Variants in ANKS1B observed in about 807,000 individuals in gnomAD.
ANKS1B encodes the protein ankyrin repeat and sterile alpha motif domain containing 1B, also known as ankyrin repeat and sterile alpha motif domain-containing protein 1B.
ANKS1B carries 36 observed loss-of-function variants against 148.3 expected under a neutral mutation model. The observed-to-expected ratio is 0.24, with a 90% CI of 0.19 to 0.32. The LOEUF is 0.32. ANKS1B is among the 10% of genes least tolerant of loss of function. ANKS1B has a pLI of 1.00. For missense variants in ANKS1B, 1,157 were observed against 1,542.6 expected, an observed-to-expected ratio of 0.75 and a Z score of 4.19; for synonymous variants, 542 against 560.8, an observed-to-expected ratio of 0.97 and a Z score of 0.47.
At chr12:99,003,595 T>C (rs1274549965) in intron 17 of ANKS1B, among the ~76,000 whole-genome samples, 1 of 152,254 alleles carries the variant, frequency 6.6e-6, no homozygotes, top group African/African-American at 2.4e-5. Flanking sequence ...TTCTATCTTT[T>C]AACGTTTACA....
rs1441486862 is a variant in ANKS1B, at chr12:99,632,767, A to ATATTTT, written c.1272+22299_1272+22300insAAAATA. Among the ~76,000 whole-genome samples the ATATTTT allele has an allele frequency of 2.2e-4, 16 of 71,314 alleles. 1 individual carries two copies. The highest frequency in any genetic ancestry group is 4.5e-4 in the South Asian group (1 of 2,220). The allele number at this position is 71,314 out of a possible 152,430, so 46.8% of individuals were successfully genotyped here. On this transcript the variant is annotated intron_variant, in intron 9 of 26. Coordinates refer to ENST00000683438, the MANE Select transcript of ANKS1B (RefSeq NM_001352186.2). ...TATATATATATATATATATATATAT[A>ATATTTT]TTTTAATTATACTTTAAGTTCTAGG...
chr12:98,816,523 C>T (rs1416754944), intron 19 of ANKS1B, among the ~76,000 whole-genome samples: 1 of 152,094 alleles, frequency 6.6e-6, no homozygotes, highest in African/African-American at 2.4e-5. Flanking sequence ...GACTCCTGGC[C>T]TTATAGGATC....
chr12:99,216,965 T>C (rs963070112), intron 14 of ANKS1B, among the ~76,000 whole-genome samples: 2 of 152,056 alleles, frequency 1.3e-5, no homozygotes, highest in African/African-American at 4.8e-5. Flanking sequence ...TTGTCTGAAA[T>C]ATGGATGGAT....
rs945222294 is a variant in ANKS1B, at chr12:99,504,524, T to C, written c.1390A>G (p.Lys464Glu). ...GCAATTTCTAAGGAGCAAGGTTTCT[T>C]TGTAACAGCTGTGTCCATGAGATCA... ...LCDLMDTAVTKKPCSLEIARA... is the reference protein window; with the variant it reads ...LCDLMDTAVTEKPCSLEIARA... Residue 464 changes from lysine (K) to glutamate (E), a missense_variant, in exon 10 of 27, where the codon AAG becomes GAG. Physicochemically the swap from Lys to Glu is moderately conservative, Grantham distance 56 (BLOSUM62 1). Transcript: ENST00000683438. 7 of 1,612,694 alleles carry C rather than the reference T, an allele frequency of 4.3e-6. No individual in the cohort carries two copies. The highest frequency in any genetic ancestry group is 5.9e-6 in the Non-Finnish European group (7 of 1,179,496).
intron 9 of ANKS1B, among the ~76,000 whole-genome samples, chr12:99,618,404 C>T (rs929806624): frequency 2.6e-5 from 4 of 152,078 alleles, no homozygotes; most frequent in Non-Finnish European, 4.4e-5. Context: ...TTTTAGCACG[C>T]CTCAGTAACT....
At chr12:98,785,794 G>A (rs1566481233) in intron 22 of ANKS1B, among the ~76,000 whole-genome samples, 1 of 152,144 alleles carries the variant, frequency 6.6e-6, no homozygotes, top group Non-Finnish European at 1.5e-5. Context: ...GCTCTGCTGG[G>A]TGTCTGTATA....
In ANKS1B at chr12:98,920,562, C is replaced by G. The variant is rs1220459199; in HGVS notation, c.2779-88426G>C. Among the ~76,000 whole-genome samples the G allele has an allele frequency of 3.9e-5, 6 of 152,306 alleles. No homozygotes were observed. The East Asian group carries it at 1.2e-3, about 29-fold the overall frequency. ...ACTCCACCTTATAAAGCCATCAGAT[C>G]TTGTGACATTTATTCACTATCACGA... On this transcript the variant is annotated intron_variant, in intron 17 of 26. Transcript: ENST00000683438.
intron 8 of ANKS1B, among the ~76,000 whole-genome samples, chr12:99,699,758 T>A (rs1024224051): frequency 6.6e-6 from 1 of 152,210 alleles, no homozygotes; most frequent in Non-Finnish European, 1.5e-5. Context: ...TGAATTTTGA[T>A]AAAGTTATTC....
chr12:99,218,005 T>C (rs2084494099), intron 14 of ANKS1B, among the ~76,000 whole-genome samples: 1 of 152,092 alleles, frequency 6.6e-6, no homozygotes, highest in Non-Finnish European at 1.5e-5. Context: ...GCACAGAGAT[T>C]AGGGCTCATG....
chr12:99,722,875 G>A (rs2058229358), intron 8 of ANKS1B, among the ~76,000 whole-genome samples: 1 of 152,234 alleles, frequency 6.6e-6, no homozygotes, highest in South Asian at 2.1e-4. Context: ...GACCTACAGA[G>A]AGAAAGGAAG....
At chr12:99,099,222 G>C (rs2057261144) in intron 15 of ANKS1B, among the ~76,000 whole-genome samples, 1 of 152,212 alleles carries the variant, frequency 6.6e-6, no homozygotes, top group Non-Finnish European at 1.5e-5. Flanking sequence ...TGCCCTAACA[G>C]GTAGCAGCAT....
chr12:99,447,596 A>G (rs1230327053), intron 10 of ANKS1B, among the ~76,000 whole-genome samples: 1 of 152,132 alleles, frequency 6.6e-6, no homozygotes, highest in African/African-American at 2.4e-5. Context: ...GAGCAAAAAT[A>G]GACAAATGGG....
intron 8 of ANKS1B, among the ~76,000 whole-genome samples, chr12:99,724,625 G>A (rs1020009295): frequency 3.3e-5 from 5 of 152,050 alleles, no homozygotes; most frequent in African/African-American, 4.8e-5. Flanking sequence ...AGCAAGATAG[G>A]CCAACATTAA....
chr12:99,719,063 A>G (rs2057774326), intron 8 of ANKS1B, among the ~76,000 whole-genome samples: 1 of 152,216 alleles, frequency 6.6e-6, no homozygotes, highest in Non-Finnish European at 1.5e-5. Context: ...GAATTCTTAC[A>G]GAAGAGCCAG....
intron 8 of ANKS1B, among the ~76,000 whole-genome samples, chr12:99,708,134 C>CA (rs1436489543): frequency 2.6e-5 from 4 of 152,050 alleles, no homozygotes; most frequent in African/African-American, 9.7e-5. Context: ...GAGTGGGACT[C>CA]AAAGAAACAT....
intron 22 of ANKS1B, 128 bp from the exon 23 acceptor site, chr12:98,782,265 C>A: frequency 1.3e-6 from 1 of 788,204 alleles, no homozygotes. Context: ...AAAGATGCCA[C>A]AAAAGAACAG....
Position 98,807,831 on chromosome 12 carries a change from T to G in ANKS1B, c.3141+13A>C. 6.2e-7 allele frequency: 1 copy of G among 1,611,450 alleles called. No homozygotes were observed. Among genetic ancestry groups the G allele is most frequent in the Admixed American group, 1.7e-5 (1 of 59,856 alleles). ...CAAGTTCAGGAGAAGAAAAGAACCATTTGTAACCTTACATTATGAACCTGA... is the reference window on the plus strand; with the variant it reads ...CAAGTTCAGGAGAAGAAAAGAACCAGTTGTAACCTTACATTATGAACCTGA... On this transcript the variant is annotated intron_variant, in intron 20 of 26. Transcript: ENST00000683438.
intron 9 of ANKS1B, among the ~76,000 whole-genome samples, chr12:99,529,360 A>C (rs1389298609): frequency 6.6e-6 from 1 of 152,318 alleles, no homozygotes; most frequent in African/African-American, 2.4e-5. Context: ...TCTGTAAAGA[A>C]GCCATCAACA....
intron 17 of ANKS1B, among the ~76,000 whole-genome samples, chr12:98,990,438 G>GT (rs1204687741): frequency 1.3e-5 from 2 of 150,886 alleles, no homozygotes; most frequent in African/African-American, 2.4e-5. Context: ...AAGAGTCAAT[G>GT]TTTTTTTTCT....
Sources: gnomAD v4.1 joint callset for allele counts (sites outside exome capture counted in the v4.1 genomes callset) on GRCh38, gnomAD v4.1.1 for gene constraint, MANE v1.5 for transcripts, NCBI Gene and HGNC (gene_info 2026-07-23, HGNC 2026-07-21) for gene names.